Variants in IQCB1 observed in about 807,000 individuals in gnomAD.
The protein encoded by IQCB1 is IQ calmodulin-binding motif-containing protein 1.
A neutral mutation model predicts 84.4 loss-of-function variants in IQCB1; 56 were observed. The ratio of observed to expected loss-of-function variants is 0.66; its 90% CI spans 0.54 to 0.83. The LOEUF (loss-of-function observed/expected upper bound fraction) is 0.83. Among genes scored for constraint, IQCB1 ranks in the 40% least tolerant of loss-of-function variants. The pLI is 0.00. For synonymous variants in IQCB1, 210 were observed against 234.8 expected, an observed-to-expected ratio of 0.89 and a Z score of 0.96; for missense variants, 629 against 682.1, an observed-to-expected ratio of 0.92 and a Z score of 0.87.
At chr3:121,828,799 G>T in intron 3 of IQCB1, 62 bp downstream of exon 3, 1 of 1,129,490 alleles carries the variant, frequency 8.9e-7, no homozygotes. Context: ...TGTTAAAATT[G>T]TACCAACGAT....
intron 12 of IQCB1, among the ~76,000 whole-genome samples, chr3:121,787,643 C>T (rs747913360): frequency 6.6e-6 from 1 of 151,320 alleles, no homozygotes; most frequent in Non-Finnish European, 1.5e-5. Flanking sequence ...CCCAGCTACT[C>T]GGGAGGCTGA....
chr3:121,805,358 A>G (rs76764093), intron 7 of IQCB1, among the ~76,000 whole-genome samples: 1 of 134,362 alleles, frequency 7.4e-6, no homozygotes. Flanking sequence ...AAAGAAATAG[A>G]AAAAAAGAGT....
At chr3:121,794,512 C>T (rs1462963817) in intron 10 of IQCB1, among the ~76,000 whole-genome samples, 2 of 152,054 alleles carry the variant, frequency 1.3e-5, no homozygotes, top group African/African-American at 2.4e-5. Context: ...GTACATATAT[C>T]ATATACTAGG....
intron 5 of IQCB1, among the ~76,000 whole-genome samples, chr3:121,811,956 C>A (rs1576594363): frequency 6.6e-6 from 1 of 152,226 alleles, no homozygotes; most frequent in African/African-American, 2.4e-5. Flanking sequence ...TGCTAAGGAA[C>A]AGAATGCCTC....
chr3:121,829,208 T>C (rs1360634959), intron 2 of IQCB1, among the ~76,000 whole-genome samples: 1 of 152,242 alleles, frequency 6.6e-6, no homozygotes, highest in Admixed American at 6.5e-5. Context: ...GTATTGTTTA[T>C]TGTGCACTCA....
intron 10 of IQCB1, among the ~76,000 whole-genome samples, chr3:121,791,956 T>C (rs1251861944): frequency 6.6e-6 from 1 of 152,102 alleles, no homozygotes; most frequent in East Asian, 1.9e-4. Context: ...CTGGGTGTGA[T>C]GGTGTGCACT....
intron 13 of IQCB1, among the ~76,000 whole-genome samples, chr3:121,777,963 A>G (rs1405375222): frequency 2.0e-5 from 3 of 150,442 alleles, no homozygotes; most frequent in Admixed American, 2.0e-4. Context: ...GCTGGAGTGC[A>G]GTAGCATGAA....
chr3:121,802,231 G>T (rs1949434330), intron 7 of IQCB1, among the ~76,000 whole-genome samples: 1 of 152,100 alleles, frequency 6.6e-6, no homozygotes, highest in South Asian at 2.1e-4. Context: ...GTGCTTAATA[G>T]AATTCACAGT....
At chr3:121,788,459 A>G (rs1404344958) in intron 11 of IQCB1, 27 bp from the exon 12 acceptor site, 3 of 1,597,934 alleles carry the variant, frequency 1.9e-6, no homozygotes, top group Non-Finnish European at 1.7e-6. Context: ...CACTATTACA[A>G]CATACTCACT....
intron 10 of IQCB1, among the ~76,000 whole-genome samples, chr3:121,792,618 C>T (rs1215272040): frequency 3.0e-5 from 4 of 133,920 alleles, no homozygotes; most frequent in African/African-American, 8.6e-5. Flanking sequence ...GCCGAGATTG[C>T]GCCACTGCAC....
At chr3:121,832,030 CAT>C (rs1268907764) in intron 2 of IQCB1, among the ~76,000 whole-genome samples, 18 of 152,312 alleles carry the variant, frequency 1.2e-4, no homozygotes, top group African/African-American at 4.3e-4. Flanking sequence ...TGAATATACA[CAT>C]GATCCTTTAC....
chr3:121,818,746 C>A (rs1011447208), intron 5 of IQCB1, among the ~76,000 whole-genome samples: 1 of 152,112 alleles, frequency 6.6e-6, no homozygotes, highest in Non-Finnish European at 1.5e-5. Flanking sequence ...CAATAAAGGT[C>A]AGAAGATGAC....
chr3:121,790,211 T>C lies in IQCB1; in HGVS notation c.991A>G (p.Lys331Glu), dbSNP rs1948908915. Residue 331 changes from lysine to glutamate, a missense_variant, in exon 11 of 15, where the codon AAA (lysine) becomes GAA (glutamate). Coordinates refer to ENST00000310864, the MANE Select transcript of IQCB1 (RefSeq NM_001023570.4). ...ATCTCCAGCAACATCTTTGATCGTT[T>C]GGATCTGTGATGGAAACAGTGTGTT... Reference protein sequence around the residue: ...VIALQRSFRSKRSKMLLEINR... With the variant: ...VIALQRSFRSERSKMLLEINR... The C allele has an allele frequency of 2.5e-6, 4 of 1,613,640 alleles. No individual in the cohort carries two copies. The highest frequency in any genetic ancestry group is 3.4e-6 in the Non-Finnish European group (4 of 1,179,700).
At chr3:121,776,295 T>A (rs912632862) in intron 13 of IQCB1, among the ~76,000 whole-genome samples, 2 of 152,218 alleles carry the variant, frequency 1.3e-5, no homozygotes, top group South Asian at 4.1e-4. Flanking sequence ...TCCATGGTTC[T>A]AGTTTTTGGC....
At chr3:121,801,945 T>C (rs1009513467) in intron 7 of IQCB1, among the ~76,000 whole-genome samples, 2 of 151,806 alleles carry the variant, frequency 1.3e-5, no homozygotes, top group Non-Finnish European at 2.9e-5. Context: ...AATGACTGAC[T>C]TCAGAATATT....
intron 11 of IQCB1, among the ~76,000 whole-genome samples, chr3:121,789,316 C>G (rs1025562505): frequency 2.6e-5 from 4 of 152,190 alleles, no homozygotes; most frequent in African/African-American, 7.2e-5. Context: ...CACTGGCTAC[C>G]CTACTGGATG....
At chr3:121,828,707 A>T in intron 3 of IQCB1, 75 bp from the exon 4 acceptor site, 1 of 1,113,454 alleles carries the variant, frequency 9.0e-7, no homozygotes, top group Non-Finnish European at 1.3e-6. Flanking sequence ...TTATATGTTG[A>T]ATAATCACTA....
chr3:121,825,028 G>T (rs1378121935), intron 5 of IQCB1, among the ~76,000 whole-genome samples: 1 of 151,404 alleles, frequency 6.6e-6, no homozygotes, highest in Admixed American at 6.6e-5. Flanking sequence ...AGTTAAGATG[G>T]AACTGTGCAA....
intron 10 of IQCB1, among the ~76,000 whole-genome samples, chr3:121,792,210 A>G (rs1242337410): frequency 6.6e-6 from 1 of 152,242 alleles, no homozygotes; most frequent in Non-Finnish European, 1.5e-5. Context: ...TGAAAAACAT[A>G]GTAATCATTA....
Sources: gnomAD v4.1 joint callset for allele counts (sites outside exome capture counted in the v4.1 genomes callset) on GRCh38, gnomAD v4.1.1 for gene constraint, MANE v1.5 for transcripts, NCBI Gene and HGNC (gene_info 2026-07-23, HGNC 2026-07-21) for gene names.